Variants in RAD51 observed in about 807,000 individuals in gnomAD.
The protein encoded by RAD51 is DNA repair protein RAD51 homolog 1.
A neutral mutation model predicts 41.5 loss-of-function variants in RAD51; 14 were observed. The observed-to-expected ratio is 0.34, with a 90% confidence interval of 0.22 to 0.53. RAD51 has a LOEUF of 0.53. RAD51 is among the 20% of genes least tolerant of loss of function. The pLI, the probability that RAD51 is intolerant of heterozygous loss-of-function variation, is 0.95. For synonymous variants in RAD51, 136 were observed against 148.6 expected, an observed-to-expected ratio of 0.92 and a Z score of 0.62; for missense variants, 234 against 422.0, an observed-to-expected ratio of 0.55 and a Z score of 3.90.
intron 6 of RAD51, among the ~76,000 whole-genome samples, chr15:40,727,211 C>G (rs1308956185): frequency 6.6e-6 from 1 of 151,984 alleles, no homozygotes; most frequent in African/African-American, 2.4e-5. Flanking sequence ...ATCCTCCCCA[C>G]TCAGCCTCCC....
At chr15:40,702,743 C>G (rs765804421) in intron 3 of RAD51, among the ~76,000 whole-genome samples, 5 of 151,490 alleles carry the variant, frequency 3.3e-5, no homozygotes, top group Non-Finnish European at 5.9e-5. Flanking sequence ...GTCTCAAACT[C>G]CTGGCCTCAA....
At chr15:40,727,351 C>G (rs1896639324) in intron 6 of RAD51, among the ~76,000 whole-genome samples, 1 of 152,018 alleles carries the variant, frequency 6.6e-6, no homozygotes, top group African/African-American at 2.4e-5. Flanking sequence ...CTCTGTCACC[C>G]AGGATGGAGT....
intron 3 of RAD51, among the ~76,000 whole-genome samples, chr15:40,703,436 A>G (rs1259059600): frequency 1.3e-5 from 2 of 152,244 alleles, no homozygotes; most frequent in Non-Finnish European, 2.9e-5. Context: ...ATAAACTTTC[A>G]TTGATTTTTC....
intron 1 of RAD51, 132 bp downstream of exon 1, chr15:40,695,557 C>G (rs1014845493): frequency 3.3e-5 from 5 of 151,124 alleles, no homozygotes; most frequent in African/African-American, 1.2e-4. Context: ...CGTGGCAGGG[C>G]GTGTCCGCGC....
At chr15:40,716,367 A>C (rs1895985022) in intron 5 of RAD51, among the ~76,000 whole-genome samples, 1 of 151,290 alleles carries the variant, frequency 6.6e-6, no homozygotes, top group Admixed American at 6.6e-5. Flanking sequence ...TTTCTCCGCC[A>C]CTTCCTCTTT....
At chr15:40,718,325 C>T (rs903161121) in intron 5 of RAD51, among the ~76,000 whole-genome samples, 23 of 152,286 alleles carry the variant, frequency 1.5e-4, no homozygotes, top group African/African-American at 5.3e-4. Flanking sequence ...CAAGACCAGC[C>T]TAGCCAACTT....
At position 40,730,585 on chromosome 15, in the gene RAD51, G is replaced by A. The variant is rs189771505; in HGVS notation, c.897-470G>A. On this transcript the variant is annotated intron_variant, in intron 9 of 9. Transcript: ENST00000267868. The stretch of plus-strand genomic sequence containing the variant: ...CACCCAGGCTGGAGTGCAGTGGCAC[G>A]ATCTCGGCTCACTGCAAGCTCCGCC... Among the ~76,000 whole-genome samples the A allele has an allele frequency of 4.7e-3, 647 of 138,276 alleles. 4 individuals carry two copies. The highest frequency in any genetic ancestry group is 8.0e-3 in the Non-Finnish European group (528 of 65,598). 90.7% of individuals were successfully genotyped at this position (138,276 alleles called of 152,430 possible).
intron 2 of RAD51, among the ~76,000 whole-genome samples, chr15:40,699,709 C>T (rs1041035067): frequency 1.3e-5 from 2 of 152,206 alleles, no homozygotes; most frequent in African/African-American, 4.8e-5. Flanking sequence ...TTTGTGCTGT[C>T]AGCTGTCATT....
chr15:40,699,026 AG>A (rs1411080494), intron 2 of RAD51, among the ~76,000 whole-genome samples, 181 bp downstream of exon 2: 4 of 152,268 alleles, frequency 2.6e-5, no homozygotes, highest in Non-Finnish European at 4.4e-5. Flanking sequence ...TATGTCTGGC[AG>A]GGCCTCTTCC....
In RAD51 at chr15:40,728,789, C is replaced by T. The variant is rs900916409; in HGVS notation, c.609C>T (p.Leu203=). The T allele has an allele frequency of 4.3e-6, 7 of 1,613,858 alleles. No homozygotes were observed. The highest frequency in any genetic ancestry group is 2.2e-5 in the East Asian group (1 of 44,894). The change falls in exon 7 of 10, where the codon CTC becomes CTT. Residue 203 remains leucine, a synonymous_variant. Transcript: ENST00000267868. ...TCAACACAGACCACCAGACCCAGCT[C>T]CTTTATCAAGCATCAGCCATGATGG... ...RAFNTDHQTQ[L]LYQASAMMVE... is the part of the protein sequence containing the mutation.
intron 3 of RAD51, among the ~76,000 whole-genome samples, chr15:40,702,433 T>C (rs1895062002): frequency 6.6e-6 from 1 of 152,250 alleles, no homozygotes; most frequent in African/African-American, 2.4e-5. Context: ...AGATGCAATA[T>C]GGTATAGACT....
intron 3 of RAD51, among the ~76,000 whole-genome samples, chr15:40,704,686 T>G (rs1595985091): frequency 9.3e-6 from 1 of 107,522 alleles, no homozygotes; most frequent in African/African-American, 3.7e-5. Context: ...TTTTTTTTTT[T>G]TGAGATGGAA....
Position 40,709,208 on chromosome 15 carries a change from C to G in RAD51, c.435+92C>G. 3.7e-6 allele frequency: 4 copies of G among 1,087,040 alleles called. No homozygotes were observed. In the South Asian group the frequency reaches 3.8e-5, roughly 10 times the overall value. 67.3% of individuals were successfully genotyped at this position (1,087,040 alleles called of 1,614,324 possible). A position where few individuals can be genotyped will look rare whatever the true frequency, so the allele number is the denominator to read the frequency against. ...TCTGTTAGGATGGCCATAAAAGGTA[C>G]TTTCTCTGTCCTCAAGAATCTTATA... is the stretch of plus-strand genomic sequence containing the variant. On this transcript the variant is annotated intron_variant, in intron 5 of 9. Transcript: ENST00000267868.
chr15:40,727,488 G>A (rs1393424432), intron 6 of RAD51, among the ~76,000 whole-genome samples: 1 of 151,418 alleles, frequency 6.6e-6, no homozygotes, highest in Admixed American at 6.6e-5. Flanking sequence ...GCTACATTTT[G>A]TATTTTTAGT....
chr15:40,702,754 G>A (rs1008029515), intron 3 of RAD51, among the ~76,000 whole-genome samples: 3 of 151,366 alleles, frequency 2.0e-5, no homozygotes, highest in East Asian at 1.9e-4. Context: ...CTGGCCTCAA[G>A]CAATCTGCCC....
chr15:40,710,174 A>G (rs1242765292), intron 5 of RAD51, among the ~76,000 whole-genome samples: 1 of 143,468 alleles, frequency 7.0e-6, no homozygotes, highest in Admixed American at 7.3e-5. Context: ...CCCGGGAGGC[A>G]CAGCTTGCAG....
intron 3 of RAD51, 81 bp downstream of exon 3, chr15:40,701,282 A>AT: frequency 6.7e-7 from 1 of 1,482,102 alleles, no homozygotes; most frequent in Non-Finnish European, 9.4e-7. Context: ...TCTTCCTTCT[A>AT]TCTCTTATTC....
In RAD51 at chr15:40,713,245, CT is replaced by C. The variant is rs368095686; in HGVS notation, c.435+4146del. Among the ~76,000 whole-genome samples the C allele has an allele frequency of 9.5e-3, 1,206 of 127,088 alleles. 5 individuals carry two copies. The highest frequency in any genetic ancestry group is 0.013 in the Non-Finnish European group (795 of 62,712). The allele number at this position is 127,088 out of a possible 152,430, so 83.4% of individuals were successfully genotyped here. ...ATAGCCTCCCATTTTTCTTATTTTC[CT>C]TTTTTTTTTTTTTTTTATTTGAGAC... is the stretch of plus-strand genomic sequence containing the variant. On this transcript the variant is annotated intron_variant, in intron 5 of 9. Coordinates refer to ENST00000267868, the MANE Select transcript of RAD51 (RefSeq NM_002875.5).
rs186348342 is a variant in RAD51, at chr15:40,707,021, C to T, written c.343+727C>T. Among the ~76,000 whole-genome samples the T allele has an allele frequency of 3.2e-3, 481 of 152,156 alleles. 4 individuals are homozygous for T. The highest frequency in any genetic ancestry group is 0.011 in the African/African-American group (464 of 41,520). On this transcript the variant is annotated intron_variant, in intron 4 of 9. Transcript: ENST00000267868. ...TTATTTATTTTTCGAGACAGGGTCT[C>T]ACTCTGTCACCCAGGCTGGAGTGCA...
Sources: allele counts gnomAD v4.1 joint callset (sites outside exome capture counted in the v4.1 genomes callset), GRCh38; gene constraint gnomAD v4.1.1; transcripts MANE v1.5; gene names NCBI Gene and HGNC (gene_info 2026-07-23, HGNC 2026-07-21).